The following CNTNAP5 variants were observed in gnomAD, a reference collection of about 807,000 sequenced individuals.
The protein encoded by CNTNAP5 is contactin associated protein family member 5.
A neutral mutation model predicts 150.2 loss-of-function variants in CNTNAP5; 72 were observed. The observed-to-expected ratio is 0.48, with a 90% CI of 0.40 to 0.58. The LOEUF is 0.58. Among genes scored for constraint, CNTNAP5 ranks in the 20% least tolerant of loss-of-function variants. The pLI, the probability that CNTNAP5 is intolerant of heterozygous loss-of-function variation, is 0.00. For synonymous variants in CNTNAP5, 672 were observed against 619.8 expected (o/e 1.08, Z -1.25); for missense variants, 1,636 against 1,626.2 (o/e 1.01, Z -0.10).
chr2:124,763,846 C>A (rs1301524776), intron 15 of CNTNAP5, 47 bp downstream of exon 15: 1 of 1,610,730 alleles, frequency 6.2e-7, no homozygotes, highest in South Asian at 1.1e-5. Flanking sequence ...TACATGAGCA[C>A]AAGATGTTCT....
At chr2:124,870,878 A>C (rs1677733172) in intron 21 of CNTNAP5, among the ~76,000 whole-genome samples, 1 of 152,050 alleles carries the variant, frequency 6.6e-6, no homozygotes, top group Admixed American at 6.6e-5. Flanking sequence ...GAAAGAGCTG[A>C]AAAGGCATAA....
chr2:124,521,742 G>A (rs1315387623), intron 8 of CNTNAP5, among the ~76,000 whole-genome samples: 2 of 152,278 alleles, frequency 1.3e-5, no homozygotes, highest in East Asian at 3.9e-4. Flanking sequence ...AGTCCCATAT[G>A]TTATGCAGAT....
chr2:124,078,682 A>G (rs1000920799), intron 1 of CNTNAP5, among the ~76,000 whole-genome samples: 3 of 152,146 alleles, frequency 2.0e-5, no homozygotes, highest in African/African-American at 7.2e-5. Flanking sequence ...CCTCAAAACC[A>G]CTGTTATGTC....
intron 1 of CNTNAP5, among the ~76,000 whole-genome samples, chr2:124,089,929 CAT>C (rs2104684950): frequency 6.6e-6 from 1 of 152,328 alleles, no homozygotes; most frequent in South Asian, 2.1e-4. Context: ...TAAGAGTGCA[CAT>C]ATGTCATTAT....
chr2:124,085,716 G>A lies in CNTNAP5; in HGVS notation c.82+59984G>A, dbSNP rs931491424. Among the ~76,000 whole-genome samples the A allele has an allele frequency of 1.3e-4, 20 of 152,240 alleles. No individual in the cohort carries two copies. The Middle Eastern group carries it at 0.017, about 129-fold the overall frequency. On this transcript the variant is annotated intron_variant, in intron 1 of 23. Transcript: ENST00000682447. Reference sequence around the variant, plus strand: ...TAGGTTGTATCTTCACTGTCAATCAGTTTGATGTATTTTTTATTACACCTG... The same window carrying A: ...TAGGTTGTATCTTCACTGTCAATCAATTTGATGTATTTTTTATTACACCTG...
At chr2:124,664,708 C>T (rs114057979) in intron 13 of CNTNAP5, among the ~76,000 whole-genome samples, 6,940 of 152,278 alleles carry the variant, frequency 0.046, 207 homozygotes, top group South Asian at 0.09. Flanking sequence ...TCTTTTGAGA[C>T]GGAGTTTTGC....
intron 3 of CNTNAP5, among the ~76,000 whole-genome samples, chr2:124,322,686 G>A (rs1335789832): frequency 6.6e-6 from 1 of 152,128 alleles, no homozygotes; most frequent in African/African-American, 2.4e-5. Context: ...TAACAGATAT[G>A]GCATATTATT....
chr2:124,081,441 C>T (rs954230074), intron 1 of CNTNAP5, among the ~76,000 whole-genome samples: 2 of 152,292 alleles, frequency 1.3e-5, no homozygotes, highest in African/African-American at 4.8e-5. Flanking sequence ...TAGCAACCTT[C>T]TTTTAGGTGC....
At chr2:124,579,767 C>T (rs1696369414) in intron 11 of CNTNAP5, among the ~76,000 whole-genome samples, 3 of 152,278 alleles carry the variant, frequency 2.0e-5, no homozygotes, top group African/African-American at 2.4e-5. Flanking sequence ...GACCAGAAAC[C>T]CTAAATGATG....
At chr2:124,505,635 G>T (rs1166052405) in intron 8 of CNTNAP5, among the ~76,000 whole-genome samples, 1 of 152,092 alleles carries the variant, frequency 6.6e-6, no homozygotes, top group African/African-American at 2.4e-5. Flanking sequence ...TGAACAAATT[G>T]TATTTCTGGA....
chr2:124,044,032 G>A (rs1681462107), intron 1 of CNTNAP5, among the ~76,000 whole-genome samples: 2 of 152,110 alleles, frequency 1.3e-5, no homozygotes, highest in South Asian at 4.1e-4. Flanking sequence ...TGCTTGTACA[G>A]TATACATTAC....
intron 5 of CNTNAP5, among the ~76,000 whole-genome samples, chr2:124,438,895 A>T (rs1692606985): frequency 6.6e-6 from 1 of 152,184 alleles, no homozygotes; most frequent in African/African-American, 2.4e-5. Context: ...AAACCCATTT[A>T]CAGATGAAGA....
At chr2:124,869,646 A>G (rs1222619559) in intron 20 of CNTNAP5, 29 bp from the exon 21 acceptor site, 4 of 1,484,794 alleles carry the variant, frequency 2.7e-6, no homozygotes, top group Non-Finnish European at 3.8e-6. Context: ...ACCTCTGCTG[A>G]TGTGCCTTTG....
chr2:124,383,462 T>C (rs1233531565), intron 3 of CNTNAP5, among the ~76,000 whole-genome samples: 4 of 152,200 alleles, frequency 2.6e-5, no homozygotes, highest in African/African-American at 9.7e-5. Flanking sequence ...GCAGTAATAA[T>C]TGATTCTGCT....
intron 17 of CNTNAP5, among the ~76,000 whole-genome samples, chr2:124,779,904 C>G (rs1681414522): frequency 6.6e-6 from 1 of 152,174 alleles, no homozygotes; most frequent in Admixed American, 6.6e-5. Context: ...CTGATTGTTT[C>G]ATCTCCCCTT....
chr2:124,147,201 G>A (rs182074557), intron 1 of CNTNAP5, among the ~76,000 whole-genome samples: 52 of 152,268 alleles, frequency 3.4e-4, no homozygotes, highest in Non-Finnish European at 4.3e-4. Flanking sequence ...AAGGAGATGA[G>A]AGCCTCAGCC....
At chr2:124,556,580 TG>T (rs1343488121) in intron 10 of CNTNAP5, among the ~76,000 whole-genome samples, 2 of 152,162 alleles carry the variant, frequency 1.3e-5, no homozygotes, top group African/African-American at 4.8e-5. Context: ...GAACGGAAGC[TG>T]GAAGACCAGT....
At chr2:124,205,239 G>A (rs1288150749) in intron 1 of CNTNAP5, among the ~76,000 whole-genome samples, 1 of 152,058 alleles carries the variant, frequency 6.6e-6, no homozygotes, top group African/African-American at 2.4e-5. Context: ...ATGACAATGA[G>A]TGAGTTCTCA....
chr2:124,544,737 G>A (rs904531174), intron 10 of CNTNAP5, among the ~76,000 whole-genome samples: 3 of 152,182 alleles, frequency 2.0e-5, no homozygotes, highest in African/African-American at 7.2e-5. Flanking sequence ...GCTAGGGCCA[G>A]TACTTGTGGA....
Sources: allele counts gnomAD v4.1 joint callset (sites outside exome capture counted in the v4.1 genomes callset), GRCh38; gene constraint gnomAD v4.1.1; transcripts MANE v1.5; gene names NCBI Gene and HGNC (gene_info 2026-07-23, HGNC 2026-07-21).